CEP164: variants seen among roughly 807,000 people sequenced by gnomAD.
The protein encoded by CEP164 is centrosomal protein of 164 kDa.
In CEP164, 162 loss-of-function variants were observed where a neutral mutation model predicts 182.7. The observed-to-expected ratio is 0.89, with a 90% CI of 0.78 to 1.01. The LOEUF (loss-of-function observed/expected upper bound fraction) is 1.01, where lower values mean the gene tolerates loss of function less well. Among genes scored for constraint, CEP164 ranks in the 50% least tolerant of loss-of-function variants. CEP164 has a pLI of 0.00. For synonymous variants in CEP164, 661 were observed against 690.0 expected (o/e 0.96, Z 0.66); for missense variants, 1,735 against 1,790.4 (o/e 0.97, Z 0.56).
chr11:117,363,306 T>A (rs1362726278), intron 7 of CEP164, 123 bp from the exon 8 acceptor site: 1 of 666,742 alleles, frequency 1.5e-6, no homozygotes, highest in East Asian at 2.7e-5. Flanking sequence ...CTCTGAGTCC[T>A]CTGAAGCCCT....
intron 1 of CEP164, 189 bp downstream of exon 1, chr11:117,328,093 G>C (rs1182133132): frequency 6.6e-6 from 1 of 152,324 alleles, no homozygotes; most frequent in Non-Finnish European, 1.5e-5. Flanking sequence ...ATGCGCTCGA[G>C]TGTGGGCGGG....
At chr11:117,334,140 G>C (rs775664583) in intron 1 of CEP164, among the ~76,000 whole-genome samples, 3 of 152,136 alleles carry the variant, frequency 2.0e-5, no homozygotes, top group Non-Finnish European at 2.9e-5. Context: ...GAGCTCAAGA[G>C]TAGCAGCAGC....
At chr11:117,347,991 A>T (rs974311064) in intron 4 of CEP164, among the ~76,000 whole-genome samples, 2 of 152,044 alleles carry the variant, frequency 1.3e-5, no homozygotes, top group African/African-American at 4.8e-5. Context: ...TGTTTTTGAG[A>T]TAGAGTCTTG....
chr11:117,410,769 C>G, intron 30 of CEP164, 59 bp from the exon 31 acceptor site: 3 of 1,443,928 alleles, frequency 2.1e-6, no homozygotes, highest in Non-Finnish European at 2.9e-6. Context: ...GCAAGAGGTG[C>G]TGGTGGGCAG....
At position 117,395,676 on chromosome 11, in the gene CEP164, G is replaced by A. The variant is rs758396191; in HGVS notation, c.3043G>A (p.Val1015Met). ...QARKLKLESQ[V>M]DLLQAQSQQL... Reference sequence around the variant, plus strand: ...CCGCAAGCTGAAGCTGGAGTCCCAAGTGGATCTGCTGCAGGCTCAGAGCCA... The same window carrying A: ...CCGCAAGCTGAAGCTGGAGTCCCAAATGGATCTGCTGCAGGCTCAGAGCCA... Residue 1015 changes from valine to methionine, a missense_variant, in exon 24 of 33, where the codon GTG becomes ATG. Coordinates refer to ENST00000278935, the MANE Select transcript of CEP164 (RefSeq NM_014956.5). 2 of 1,613,380 alleles carry A rather than the reference G, an allele frequency of 1.2e-6. No homozygotes were observed. The highest frequency in any genetic ancestry group is 1.7e-6 in the Non-Finnish European group (2 of 1,179,990).
chr11:117,383,355 A>G (rs1193926156), intron 14 of CEP164, among the ~76,000 whole-genome samples: 3 of 152,204 alleles, frequency 2.0e-5, no homozygotes, highest in Admixed American at 6.5e-5. Flanking sequence ...TGCACACTGT[A>G]TAATGGCCAC....
rs548820883 is a variant in CEP164 at position 117,378,717 on chromosome 11, G to A, written c.1318-1897G>A. On this transcript the variant is annotated intron_variant, in intron 11 of 32. Transcript: ENST00000278935. ...CTGGAGCAAAAAAGTTAAGGAAGAG[G>A]ACCCTCTCTATCAAGAGGACCGTCC... is the stretch of plus-strand genomic sequence containing the variant. Among the ~76,000 whole-genome samples, 494 of 152,268 alleles carry A rather than the reference G, an allele frequency of 3.2e-3. 2 individuals are homozygous for A. Among genetic ancestry groups the A allele is most frequent in the Middle Eastern group, 0.017 (5 of 294 alleles).
At position 117,345,749 on chromosome 11, in the gene CEP164, C is replaced by T. The variant is rs539678753; in HGVS notation, c.194+1472C>T. ...TTGCCCAGACTGGAGTGCAATGGCA[C>T]GATCTCGGCTCACTGCAACCTCCAC... On this transcript the variant is annotated intron_variant, in intron 4 of 32. Transcript: ENST00000278935. Among the ~76,000 whole-genome samples the T allele has an allele frequency of 1.1e-4, 16 of 152,056 alleles. No individual in the cohort carries two copies. In the South Asian group the frequency reaches 2.9e-3, roughly 28 times the overall value.
intron 30 of CEP164, 148 bp from the exon 31 acceptor site, chr11:117,410,680 A>T (rs1279316723): frequency 1.2e-5 from 7 of 585,580 alleles, no homozygotes; most frequent in Non-Finnish European, 1.8e-5. Flanking sequence ...AAATAAAATA[A>T]ATAGGACCAT....
Position 117,395,720 on chromosome 11 carries a change from C to G in CEP164, c.3087C>G (p.Phe1029Leu), listed in dbSNP as rs2045343660. Residue 1029 changes from phenylalanine (F) to leucine (L), a missense_variant and splice_region_variant, in exon 24 of 33, where the codon TTC becomes TTG. Physicochemically the swap from Phe to Leu is conservative, Grantham distance 22. Coordinates refer to ENST00000278935, the MANE Select transcript of CEP164 (RefSeq NM_014956.5). ...AGAGCCAGCAACTGCAGAAACACTT[C>G]AGGTGGCGTGGGCACCCTGCACTTA... ...QAQSQQLQKH[F>L]SSLEAEAQKK... The G allele has an allele frequency of 3.7e-5, 60 of 1,607,998 alleles. No homozygotes were observed. The highest frequency in any genetic ancestry group is 5.0e-5 in the Non-Finnish European group (59 of 1,177,620).
Position 117,392,565 on chromosome 11 carries a change from C to T in CEP164, c.2431C>T (p.Leu811Phe). The T allele has an allele frequency of 6.2e-7, 1 of 1,614,166 alleles. No individual in the cohort carries two copies. The highest frequency in any genetic ancestry group is 1.6e-4 in the Middle Eastern group (1 of 6,062). Residue 811 changes from leucine to phenylalanine, a missense_variant, in exon 19 of 33, where the codon CTT (leucine) becomes TTT (phenylalanine). Transcript: ENST00000278935. ...QKEEAQLQKC[L>F]GQVEHRVHQK... is the part of the protein sequence containing the mutation. ...AGAGGAGGCCCAGCTGCAGAAGTGC[C>T]TTGGGCAAGTGGAGCACAGAGTTCA...
intron 3 of CEP164, 148 bp downstream of exon 3, chr11:117,338,816 C>G (rs1282652568): frequency 1.5e-6 from 1 of 646,548 alleles, no homozygotes; most frequent in Non-Finnish European, 2.7e-6. Flanking sequence ...TGTGAGCCTA[C>G]CTTGGCCTCT....
chr11:117,375,637 T>A, intron 10 of CEP164, 71 bp from the exon 11 acceptor site: 1 of 1,224,988 alleles, frequency 8.2e-7, no homozygotes, highest in Non-Finnish European at 1.2e-6. Context: ...GGAGTTGGGG[T>A]AGTGAAGAGG....
At chr11:117,396,325 C>T in intron 25 of CEP164, 145 bp downstream of exon 25, 4 of 975,742 alleles carry the variant, frequency 4.1e-6, no homozygotes, top group Non-Finnish European at 6.2e-6. Context: ...TAAGGTGGGC[C>T]AAGGCATCAG....
In CEP164 at chr11:117,410,332, A is replaced by G. The variant is rs148533837; in HGVS notation, c.4096+367A>G. ...CAATACATGATGGGCCAAGCAGTTT[A>G]TATATATTTTTTCATTTAGTTCTTA... On this transcript the variant is annotated intron_variant, in intron 30 of 32. Transcript: ENST00000278935. The G allele has an allele frequency of 4.8e-3, 1,702 of 352,862 alleles. 45 individuals are homozygous for G. Among genetic ancestry groups the G allele is most frequent in the South Asian group, 0.045 (1,286 of 28,386 alleles). 21.9% of individuals were successfully genotyped at this position (352,862 alleles called of 1,614,324 possible).
intron 4 of CEP164, among the ~76,000 whole-genome samples, chr11:117,347,983 T>G (rs887150912): frequency 6.6e-6 from 1 of 152,122 alleles, no homozygotes; most frequent in Non-Finnish European, 1.5e-5. Context: ...GTTGTTGTTG[T>G]TTTTGAGATA....
intron 4 of CEP164, among the ~76,000 whole-genome samples, chr11:117,349,028 AT>A (rs888206332): frequency 2.0e-4 from 29 of 147,248 alleles, no homozygotes; most frequent in East Asian, 5.9e-4. Flanking sequence ...CTATTTATCA[AT>A]TTTTTTTTTT....
At chr11:117,391,715 T>C (rs1025697016) in intron 17 of CEP164, among the ~76,000 whole-genome samples, 1 of 152,180 alleles carries the variant, frequency 6.6e-6, no homozygotes, top group Non-Finnish European at 1.5e-5. Context: ...TCTTTGTCCA[T>C]ACTCCCTCTT....
At chr11:117,324,048 T>C (rs950766269), upstream of CEP164, 1 of 248,530 alleles carries the variant, frequency 4.0e-6, no homozygotes, top group African/African-American at 2.3e-5. Flanking sequence ...TTCTTTCCCA[T>C]CTTTGAAATA....
Sources: gnomAD v4.1 joint callset for allele counts (sites outside exome capture counted in the v4.1 genomes callset) on GRCh38, gnomAD v4.1.1 for gene constraint, MANE v1.5 for transcripts, NCBI Gene and HGNC (gene_info 2026-07-23, HGNC 2026-07-21) for gene names.